VAV1: variants seen among roughly 807,000 people sequenced by gnomAD.
VAV1 encodes the protein vav guanine nucleotide exchange factor 1.
Under a neutral mutation model 128.1 loss-of-function variants are expected in VAV1, and 33 were observed. The ratio of observed to expected loss-of-function variants is 0.26; its 90% CI spans 0.20 to 0.34. VAV1 has a LOEUF of 0.34. VAV1 is among the 10% of genes least tolerant of loss of function. VAV1 has a pLI of 1.00. For missense variants in VAV1, 715 were observed against 1,093.7 expected (o/e 0.65, Z 4.88); for synonymous variants, 394 against 409.8 (o/e 0.96, Z 0.47).
rs1330240993 is a variant in VAV1, at chr19:6,836,448, G to A, written c.1794G>A (p.Glu598=). The A allele has an allele frequency of 2.5e-6, 4 of 1,614,072 alleles. No homozygotes were observed. In the South Asian group the frequency reaches 3.3e-5, roughly 13 times the overall value. Residue 598 remains glutamate (E), a synonymous_variant, in exon 20 of 27, where the codon GAG becomes GAA. Coordinates refer to ENST00000602142, the MANE Select transcript of VAV1 (RefSeq NM_005428.4). The stretch of plus-strand genomic sequence containing the variant: ...GTCCTCCAGGTCTGCCCAAGATGGA[G>A]GTGTTTCAGGAATACTACGGGCTTC... ...KRNELGLPKM[E]VFQEYYGLPP...
chr19:6,796,689 A>G (rs1971143856), intron 1 of VAV1, among the ~76,000 whole-genome samples: 1 of 152,142 alleles, frequency 6.6e-6, no homozygotes, highest in Non-Finnish European at 1.5e-5. Context: ...CACTCTCTCA[A>G]TGAGGCTTCC....
intron 1 of VAV1, among the ~76,000 whole-genome samples, chr19:6,786,107 A>C (rs896730023): frequency 3.9e-5 from 6 of 152,022 alleles, no homozygotes; most frequent in Non-Finnish European, 7.4e-5. Flanking sequence ...TTATTTGCTT[A>C]TTACCTGTTT....
chr19:6,806,591 CGCCT>C (rs1362902374), intron 1 of VAV1, among the ~76,000 whole-genome samples: 1 of 152,168 alleles, frequency 6.6e-6, no homozygotes, highest in African/African-American at 2.4e-5. Context: ...TGCTCCAGAC[CGCCT>C]AACCTCACTC....
chr19:6,818,948 T>C (rs1294161690), intron 1 of VAV1, among the ~76,000 whole-genome samples: 2 of 152,036 alleles, frequency 1.3e-5, no homozygotes, highest in Admixed American at 1.3e-4. Context: ...AAACCTCATC[T>C]CTACTAAAAA....
chr19:6,782,149 G>A (rs894250583), intron 1 of VAV1, among the ~76,000 whole-genome samples: 7 of 151,936 alleles, frequency 4.6e-5, no homozygotes, highest in Non-Finnish European at 7.4e-5. Context: ...GTCCAACATG[G>A]CGAAAGCCCA....
intron 24 of VAV1, among the ~76,000 whole-genome samples, chr19:6,851,261 A>C (rs1568319696): frequency 6.6e-6 from 1 of 151,910 alleles, no homozygotes; most frequent in Non-Finnish European, 1.5e-5. Context: ...TGCAGCCTCA[A>C]ATTCCTGGTT....
At chr19:6,818,068 C>T (rs971531837) in intron 1 of VAV1, among the ~76,000 whole-genome samples, 1 of 152,152 alleles carries the variant, frequency 6.6e-6, no homozygotes, top group Non-Finnish European at 1.5e-5. Flanking sequence ...GATTCTCTCA[C>T]TTCCACCTCC....
At chr19:6,788,565 C>T (rs1377737830) in intron 1 of VAV1, among the ~76,000 whole-genome samples, 7 of 151,950 alleles carry the variant, frequency 4.6e-5, no homozygotes, top group African/African-American at 1.4e-4. Context: ...TTAGTAGAGA[C>T]GGGGTTTCAC....
At chr19:6,800,306 ATCTGTCTCATTTTTTTTTTTTG>A (rs1243127068) in intron 1 of VAV1, among the ~76,000 whole-genome samples, 1 of 120,944 alleles carries the variant, frequency 8.3e-6, no homozygotes, top group African/African-American at 3.1e-5. Context: ...TTGCTTCACT[ATCTGTCTCATTTTTTTTTTTTG>A]AGATGGGGTC....
intron 1 of VAV1, among the ~76,000 whole-genome samples, chr19:6,811,368 C>T (rs1402442328): frequency 6.6e-6 from 1 of 152,126 alleles, no homozygotes; most frequent in African/African-American, 2.4e-5. Flanking sequence ...GTATTGGGCA[C>T]TATTGCATGC....
At chr19:6,781,104 T>C (rs777613865) in intron 1 of VAV1, among the ~76,000 whole-genome samples, 9 of 151,944 alleles carry the variant, frequency 5.9e-5, no homozygotes, top group Non-Finnish European at 1.2e-4. Context: ...GGTCTCACCA[T>C]GTTGCCCAGG....
At chr19:6,801,695 G>C (rs1971274098) in intron 1 of VAV1, among the ~76,000 whole-genome samples, 1 of 152,146 alleles carries the variant, frequency 6.6e-6, no homozygotes, top group Non-Finnish European at 1.5e-5. Context: ...GCTCCCTGGT[G>C]CTGGGGTGGG....
intron 1 of VAV1, among the ~76,000 whole-genome samples, chr19:6,778,748 A>AAAACC (rs1334652559): frequency 2.0e-5 from 3 of 151,984 alleles, no homozygotes; most frequent in Non-Finnish European, 2.9e-5. Flanking sequence ...AAAACAAAAC[A>AAAACC]AAACCCAATT....
At chr19:6,845,186 G>A (rs1032715186) in intron 22 of VAV1, among the ~76,000 whole-genome samples, 1 of 152,080 alleles carries the variant, frequency 6.6e-6, no homozygotes, top group Non-Finnish European at 1.5e-5. Context: ...TTCAAGACCA[G>A]CCTGGGCAAC....
intron 1 of VAV1, among the ~76,000 whole-genome samples, chr19:6,809,053 G>T (rs1349270009): frequency 6.7e-6 from 1 of 149,732 alleles, no homozygotes. Context: ...AGATACAAAA[G>T]ATGAAGACTT....
chr19:6,780,383 G>A (rs1165939317), intron 1 of VAV1, among the ~76,000 whole-genome samples: 16 of 150,060 alleles, frequency 1.1e-4, no homozygotes. Context: ...TGAGAAATGC[G>A]TAGTTAGATG....
chr19:6,824,910 C>A, intron 6 of VAV1, 143 bp from the exon 7 acceptor site: 1 of 891,128 alleles, frequency 1.1e-6, no homozygotes, highest in Non-Finnish European at 1.9e-6. Flanking sequence ...AATAATTTCA[C>A]TGTGAACATT....
intron 1 of VAV1, among the ~76,000 whole-genome samples, chr19:6,818,051 C>T (rs1465193160): frequency 2.6e-5 from 4 of 151,970 alleles, no homozygotes; most frequent in African/African-American, 7.2e-5. Context: ...AACACCTAGG[C>T]TCAAGTGATT....
intron 1 of VAV1, among the ~76,000 whole-genome samples, chr19:6,789,456 T>C (rs1970968452): frequency 6.6e-6 from 1 of 152,182 alleles, no homozygotes; most frequent in Non-Finnish European, 1.5e-5. Flanking sequence ...TTTCACCGTG[T>C]TAGCCAGGAT....
Sources: gnomAD v4.1 joint callset for allele counts (sites outside exome capture counted in the v4.1 genomes callset) on GRCh38, gnomAD v4.1.1 for gene constraint, MANE v1.5 for transcripts, NCBI Gene and HGNC (gene_info 2026-07-23, HGNC 2026-07-21) for gene names.